The following CCDC60 variants were observed in gnomAD, a reference collection of about 807,000 sequenced individuals.
CCDC60 encodes the protein coiled-coil domain-containing protein 60.
CCDC60 carries 54 observed loss-of-function variants against 63.5 expected under a neutral mutation model. The ratio of observed to expected loss-of-function variants is 0.85; its 90% CI spans 0.68 to 1.07. The LOEUF (loss-of-function observed/expected upper bound fraction) is 1.07. CCDC60 is among the 50% of genes least tolerant of loss of function. CCDC60 has a pLI of 0.00. For missense variants in CCDC60, 651 were observed against 684.3 expected, an observed-to-expected ratio of 0.95 and a Z score of 0.54; for synonymous variants, 206 against 238.8, an observed-to-expected ratio of 0.86 and a Z score of 1.27.
At chr12:119,483,999 C>A (rs148715110) in intron 4 of CCDC60, among the ~76,000 whole-genome samples, 297 of 151,178 alleles carry the variant, frequency 2.0e-3, no homozygotes, top group African/African-American at 6.9e-3. Context: ...GTTTAGGGCA[C>A]TTTTTATAAA....
intron 2 of CCDC60, among the ~76,000 whole-genome samples, chr12:119,447,163 G>A (rs1018123159): frequency 5.3e-5 from 8 of 152,128 alleles, no homozygotes; most frequent in Admixed American, 2.0e-4. Context: ...TGAATATATC[G>A]CAGTGAGGAC....
chr12:119,449,635 A>G (rs1680828768), intron 2 of CCDC60, among the ~76,000 whole-genome samples: 1 of 152,230 alleles, frequency 6.6e-6, no homozygotes, highest in African/African-American at 2.4e-5. Context: ...AGTAGTCTCT[A>G]TGTGCTAGTC....
chr12:119,482,673 T>C (rs1379221275), intron 4 of CCDC60, among the ~76,000 whole-genome samples: 1 of 152,200 alleles, frequency 6.6e-6, no homozygotes, highest in Non-Finnish European at 1.5e-5. Context: ...ATGGCTGTAT[T>C]ACAGATCACC....
In CCDC60 at chr12:119,335,220, A is replaced by C. The variant is rs1455109448; in HGVS notation, c.44A>C (p.Asn15Thr). The C allele has an allele frequency of 8.7e-6, 14 of 1,606,020 alleles. 1 individual carries two copies. The highest frequency in any genetic ancestry group is 1.6e-4 in the Middle Eastern group (1 of 6,070). Residue 15 changes from asparagine to threonine, a missense_variant, in exon 1 of 14, where the codon AAC becomes ACC. Coordinates refer to ENST00000327554, the MANE Select transcript of CCDC60 (RefSeq NM_178499.5). ...PATKKLQSSP[N>T]SGAVRPFYAS... ...ACCAAGAAGCTTCAGAGTTCCCCCA[A>C]CTCGGGGGCTGTCCGGCCCTTTTAT...
chr12:119,464,044 C>A (rs1950906948), intron 2 of CCDC60, among the ~76,000 whole-genome samples: 1 of 148,442 alleles, frequency 6.7e-6, no homozygotes, highest in African/African-American at 2.5e-5. Context: ...TTCTTCCCTC[C>A]CTCCCATTTT....
intron 1 of CCDC60, among the ~76,000 whole-genome samples, chr12:119,417,099 A>C (rs995495410): frequency 5.9e-5 from 9 of 152,170 alleles, no homozygotes; most frequent in African/African-American, 2.2e-4. Context: ...CAGCCTGGGC[A>C]ACAAGAGCGA....
At chr12:119,397,992 GCGGT>G (rs2136215249) in intron 1 of CCDC60, among the ~76,000 whole-genome samples, 1 of 35,562 alleles carries the variant, frequency 2.8e-5, no homozygotes, top group South Asian at 1.5e-3. Context: ...GGAGGAAGGG[GCGGT>G]GTGGGGGGAT....
chr12:119,530,967 C>T lies in CCDC60; in HGVS notation c.1455C>T (p.Asn485=). 1 of 1,614,174 alleles carries T rather than the reference C, an allele frequency of 6.2e-7. No homozygotes were observed. Among genetic ancestry groups the T allele is most frequent in the South Asian group, 1.1e-5 (1 of 91,066 alleles). The change falls in exon 13 of 14, where the codon AAC becomes AAT. Residue 485 remains asparagine, a synonymous_variant. Transcript: ENST00000327554. Reference sequence around the variant, plus strand: ...TGAAACTGCAGAAGTTTGGAGAAAACCTGGACTTGCGGATTCGACCCCATG... The same window carrying T: ...TGAAACTGCAGAAGTTTGGAGAAAATCTGGACTTGCGGATTCGACCCCATG... ...ILVKLQKFGE[N]LDLRIRPHVL...
chr12:119,415,548 A>G (rs897049293), intron 1 of CCDC60, among the ~76,000 whole-genome samples: 1 of 152,164 alleles, frequency 6.6e-6, no homozygotes, highest in African/African-American at 2.4e-5. Flanking sequence ...GCATTTTGGA[A>G]GGGTCAGCTA....
At chr12:119,357,248 A>G (rs1227737105) in intron 1 of CCDC60, among the ~76,000 whole-genome samples, 8 of 152,210 alleles carry the variant, frequency 5.3e-5, no homozygotes, top group Non-Finnish European at 1.2e-4. Flanking sequence ...TTTTGAGAAC[A>G]TTTCAAGTCC....
chr12:119,530,846 A>G (rs1208809571), intron 12 of CCDC60, 28 bp from the exon 13 acceptor site: 1 of 1,598,140 alleles, frequency 6.3e-7, no homozygotes, highest in Non-Finnish European at 8.5e-7. Context: ...GCAGCTTCCT[A>G]ACTTGTCCTC....
intron 7 of CCDC60, among the ~76,000 whole-genome samples, chr12:119,508,078 G>A (rs115267095): frequency 0.013 from 1,912 of 152,138 alleles, 33 homozygotes; most frequent in African/African-American, 0.044. Flanking sequence ...GGCTGAGGTC[G>A]GGGGATCACT....
At chr12:119,474,927 A>G (rs1951143179) in intron 3 of CCDC60, among the ~76,000 whole-genome samples, 1 of 152,204 alleles carries the variant, frequency 6.6e-6, no homozygotes, top group Admixed American at 6.5e-5. Flanking sequence ...ATTGAGTCAG[A>G]GGAGAACAGG....
chr12:119,379,990 G>A (rs949971715), intron 1 of CCDC60, among the ~76,000 whole-genome samples: 6 of 152,204 alleles, frequency 3.9e-5, no homozygotes, highest in African/African-American at 4.8e-5. Context: ...GTGTTTGTGT[G>A]GGGGTGCAGG....
At chr12:119,395,075 T>G (rs1956227236) in intron 1 of CCDC60, among the ~76,000 whole-genome samples, 1 of 152,202 alleles carries the variant, frequency 6.6e-6, no homozygotes, top group African/African-American at 2.4e-5. Context: ...GAAGGTATAA[T>G]GTGTTTCCAG....
intron 2 of CCDC60, among the ~76,000 whole-genome samples, chr12:119,468,995 A>G (rs1369765754): frequency 2.6e-5 from 4 of 152,070 alleles, no homozygotes; most frequent in Non-Finnish European, 4.4e-5. Flanking sequence ...ACCTACTTAA[A>G]TAATTTTTTA....
At chr12:119,355,899 G>A (rs998237482) in intron 1 of CCDC60, among the ~76,000 whole-genome samples, 3 of 152,148 alleles carry the variant, frequency 2.0e-5, no homozygotes, top group African/African-American at 7.2e-5. Context: ...ATGGCATGCT[G>A]GTGGATGTGG....
At chr12:119,498,249 A>C (rs913707459) in intron 5 of CCDC60, among the ~76,000 whole-genome samples, 21 of 152,100 alleles carry the variant, frequency 1.4e-4, no homozygotes, top group African/African-American at 5.1e-4. Flanking sequence ...CCTTCTACCC[A>C]CAACCACCAG....
intron 8 of CCDC60, among the ~76,000 whole-genome samples, chr12:119,519,895 C>G (rs960430067): frequency 6.6e-6 from 1 of 151,364 alleles, no homozygotes; most frequent in Non-Finnish European, 1.5e-5. Context: ...TGTGTGTGAT[C>G]TAAATGCAGC....
Sources: gnomAD v4.1 joint callset for allele counts (sites outside exome capture counted in the v4.1 genomes callset) on GRCh38, gnomAD v4.1.1 for gene constraint, MANE v1.5 for transcripts, NCBI Gene and HGNC (gene_info 2026-07-23, HGNC 2026-07-21) for gene names.